The following PAM variants were observed in gnomAD, a reference collection of about 807,000 sequenced individuals.
PAM encodes peptidyl-glycine alpha-amidating monooxygenase.
Under a neutral mutation model 122.1 loss-of-function variants are expected in PAM, and 72 were observed. The ratio of observed to expected loss-of-function variants is 0.59; its 90% CI spans 0.49 to 0.72. The LOEUF (loss-of-function observed/expected upper bound fraction) is 0.72, where lower values mean the gene tolerates loss of function less well. PAM is among the 30% of genes least tolerant of loss of function. The probability of loss-of-function intolerance (pLI) is 0.00; values close to 1 mark genes in which losing one functional copy is unlikely to be tolerated. For synonymous variants in PAM, 389 were observed against 404.4 expected (o/e 0.96, Z 0.46); for missense variants, 1,106 against 1,183.7 (o/e 0.93, Z 0.96).
chr5:102,782,374 TC>T (rs1759206952), intron 1 of PAM, among the ~76,000 whole-genome samples: 2 of 152,054 alleles, frequency 1.3e-5, no homozygotes, highest in African/African-American at 4.8e-5. Flanking sequence ...CCCTTTGTTT[TC>T]CCCCCAGAGG....
At chr5:102,956,505 T>C (rs2150162669) in intron 12 of PAM, among the ~76,000 whole-genome samples, 1 of 152,230 alleles carries the variant, frequency 6.6e-6, no homozygotes, top group East Asian at 1.9e-4. Flanking sequence ...AGTTACATTA[T>C]TCAGAAAGTT....
In PAM at chr5:102,832,712, T is replaced by C. The variant is rs188056543; in HGVS notation, c.-373-33111T>C. On this transcript the variant is annotated intron_variant, in intron 1 of 25. Coordinates refer to ENST00000438793, the MANE Select transcript of PAM (RefSeq NM_001177306.2). ...GCCCTTTATTTTGTAATAATATATA[T>C]ATATATAACTTTCCTGAAAGAACTA... Among the ~76,000 whole-genome samples the C allele has an allele frequency of 3.2e-4, 48 of 152,178 alleles. 1 individual carries two copies. In the East Asian group the frequency reaches 8.5e-3, roughly 27 times the overall value.
chr5:102,852,237 T>C (rs1000571109), intron 1 of PAM, among the ~76,000 whole-genome samples: 1 of 152,196 alleles, frequency 6.6e-6, no homozygotes, highest in Non-Finnish European at 1.5e-5. Flanking sequence ...GATATACCTC[T>C]GGACTGATTA....
rs79575729 is a variant in PAM at position 102,762,505 on chromosome 5, G to A, written c.-374+7157G>A. Among the ~76,000 whole-genome samples the A allele has an allele frequency of 3.6e-3, 554 of 152,258 alleles. 5 individuals are homozygous for A. Among genetic ancestry groups the A allele is most frequent in the South Asian group, 8.3e-3 (40 of 4,826 alleles). ...GCATGAGTCACTGATGGGTTTCAATGAGTGGAAGCAATATTAGATTTTTTT... is the reference window on the plus strand; with the variant it reads ...GCATGAGTCACTGATGGGTTTCAATAAGTGGAAGCAATATTAGATTTTTTT... On this transcript the variant is annotated intron_variant, in intron 1 of 25. Coordinates refer to ENST00000438793, the MANE Select transcript of PAM (RefSeq NM_001177306.2).
chr5:102,979,885 G>A (rs907846003), intron 15 of PAM, among the ~76,000 whole-genome samples: 1 of 151,778 alleles, frequency 6.6e-6, no homozygotes, highest in Admixed American at 6.6e-5. Flanking sequence ...TAAATGTAAG[G>A]ACGTAAGGAT....
At chr5:102,800,068 A>G (rs1020037505) in intron 1 of PAM, among the ~76,000 whole-genome samples, 1 of 152,176 alleles carries the variant, frequency 6.6e-6, no homozygotes, top group African/African-American at 2.4e-5. Flanking sequence ...TCATTGTCTA[A>G]TGGGTATCTA....
intron 1 of PAM, among the ~76,000 whole-genome samples, chr5:102,863,234 T>A (rs1467628893): frequency 1.3e-5 from 2 of 152,118 alleles, no homozygotes; most frequent in East Asian, 3.9e-4. Flanking sequence ...GCAGCTTGAG[T>A]CTAGGAGGCA....
At chr5:102,981,484 A>T (rs1421419281) in intron 15 of PAM, among the ~76,000 whole-genome samples, 1 of 152,248 alleles carries the variant, frequency 6.6e-6, no homozygotes, top group Non-Finnish European at 1.5e-5. Context: ...CAGATGAATT[A>T]TAAGGTTGTA....
intron 24 of PAM, among the ~76,000 whole-genome samples, chr5:103,027,881 C>T (rs368731419): frequency 9.9e-5 from 15 of 152,174 alleles, no homozygotes; most frequent in African/African-American, 3.6e-4. Flanking sequence ...TGTCTGATCT[C>T]AGCCTTACAG....
downstream of PAM, chr5:103,030,415 T>G (rs982055359): frequency 4.6e-5 from 7 of 152,220 alleles, no homozygotes; most frequent in Non-Finnish European, 8.8e-5. Flanking sequence ...AAAACTCTTT[T>G]TCAAAAATGC....
At position 102,779,914 on chromosome 5, in the gene PAM, T is replaced by TACAC. The variant is rs1459772603; in HGVS notation, c.-374+24567_-374+24568insCACA. Among the ~76,000 whole-genome samples, 60 of 65,470 alleles carry TACAC rather than the reference T, an allele frequency of 9.2e-4. 2 individuals are homozygous for TACAC. The South Asian group carries it at 0.014, about 16-fold the overall frequency. The allele number at this position is 65,470 out of a possible 152,430, so 43.0% of individuals were successfully genotyped here. A position where few individuals can be genotyped will look rare whatever the true frequency, so the allele number is the denominator to read the frequency against. On this transcript the variant is annotated intron_variant, in intron 1 of 25. Coordinates refer to ENST00000438793, the MANE Select transcript of PAM (RefSeq NM_001177306.2). The stretch of plus-strand genomic sequence containing the variant: ...ATATATATATATATATATATATATA[T>TACAC]ATATACACACATATATATATGTATA...
chr5:102,894,727 C>T (rs1193275082), intron 3 of PAM, among the ~76,000 whole-genome samples: 2 of 151,678 alleles, frequency 1.3e-5, no homozygotes, highest in Non-Finnish European at 3.0e-5. Context: ...ACCTGGTCAT[C>T]CGTGTTTTAT....
At chr5:103,001,586 T>C (rs986647914) in intron 16 of PAM, among the ~76,000 whole-genome samples, 1 of 152,168 alleles carries the variant, frequency 6.6e-6, no homozygotes, top group African/African-American at 2.4e-5. Flanking sequence ...GAATGCATCA[T>C]TAATAAGAAC....
intron 1 of PAM, among the ~76,000 whole-genome samples, chr5:102,770,927 A>G (rs545980645): frequency 1.3e-5 from 2 of 152,186 alleles, no homozygotes; most frequent in African/African-American, 2.4e-5. Flanking sequence ...GTAGTCCATG[A>G]AAAATAGCTT....
chr5:102,853,828 C>T (rs1271699226), intron 1 of PAM, among the ~76,000 whole-genome samples: 3 of 152,250 alleles, frequency 2.0e-5, no homozygotes, highest in African/African-American at 7.2e-5. Flanking sequence ...CCCAGAGTCA[C>T]TGCCAGGAAA....
At chr5:103,011,378 T>A (rs1271031274) in intron 21 of PAM, among the ~76,000 whole-genome samples, 18 of 148,604 alleles carry the variant, frequency 1.2e-4, no homozygotes, top group Admixed American at 8.1e-4. Context: ...AAACACACAC[T>A]CACACACACA....
At chr5:102,774,941 T>A (rs1483291929) in intron 1 of PAM, among the ~76,000 whole-genome samples, 2 of 152,054 alleles carry the variant, frequency 1.3e-5, no homozygotes, top group Non-Finnish European at 2.9e-5. Context: ...TGTTTTTATT[T>A]TTATAAAAAT....
At chr5:102,921,847 G>C (rs1461560845) in intron 5 of PAM, among the ~76,000 whole-genome samples, 1 of 152,112 alleles carries the variant, frequency 6.6e-6, no homozygotes, top group East Asian at 1.9e-4. Context: ...AAGGGACTGT[G>C]ACAGCCAGAG....
At chr5:102,759,556 T>A (rs1751706432) in intron 1 of PAM, among the ~76,000 whole-genome samples, 1 of 152,182 alleles carries the variant, frequency 6.6e-6, no homozygotes, top group African/African-American at 2.4e-5. Flanking sequence ...GAGCTTAAAA[T>A]TCATATTTTA....
Sources: gnomAD v4.1 joint callset for allele counts (sites outside exome capture counted in the v4.1 genomes callset) on GRCh38, gnomAD v4.1.1 for gene constraint, MANE v1.5 for transcripts, NCBI Gene and HGNC (gene_info 2026-07-23, HGNC 2026-07-21) for gene names.